The following TUBGCP2 variants were observed in gnomAD, a reference collection of about 807,000 sequenced individuals.
The protein encoded by TUBGCP2 is gamma-tubulin complex component 2.
TUBGCP2 carries 55 observed loss-of-function variants against 92.2 expected under a neutral mutation model. That is an observed-to-expected ratio of 0.60 (90% confidence interval 0.48 to 0.75). TUBGCP2 has a LOEUF of 0.75. Among genes scored for constraint, TUBGCP2 ranks in the 30% least tolerant of loss-of-function variants. TUBGCP2 has a pLI of 0.00. For synonymous variants in TUBGCP2, 533 were observed against 505.2 expected (o/e 1.06, Z -0.74); for missense variants, 1,093 against 1,188.9 (o/e 0.92, Z 1.19).
At position 133,293,263 on chromosome 10, in the gene TUBGCP2, CT is replaced by C. The variant is rs576849907; in HGVS notation, c.825-26del. 305 of 1,609,902 alleles carry C rather than the reference CT, an allele frequency of 1.9e-4. 2 individuals carry two copies. In the African/African-American group the frequency reaches 3.5e-3, roughly 19 times the overall value. On this transcript the variant is annotated intron_variant, in intron 6 of 17. Coordinates refer to ENST00000252936, the MANE Select transcript of TUBGCP2 (RefSeq NM_006659.4). ...CCTGGAAGAAAAGCTGTCAGACTTC[CT>C]CAAAAAGGCAAGCTGCAGGCACATA...
In TUBGCP2 at chr10:133,285,578, G is replaced by A; in HGVS notation, c.1773C>T (p.Ala591=). ...DLITQLLRVL[A]IETKQEKAMA... ...TCGCCTTCTCCTGCTTGGTCTCGATGGCCAGGACGCGCAAGAGCTGAGTGA... is the reference window on the plus strand; with the variant it reads ...TCGCCTTCTCCTGCTTGGTCTCGATAGCCAGGACGCGCAAGAGCTGAGTGA... The change falls in exon 12 of 18, where the codon GCC becomes GCT. Residue 591 remains alanine, a synonymous_variant. Transcript: ENST00000252936. The surrounding 1 kb of genome is among the most constrained non-coding windows in gnomAD (Gnocchi z 6.8). 2 of 1,556,188 alleles carry A rather than the reference G, an allele frequency of 1.3e-6. No individual in the cohort carries two copies. The highest frequency in any genetic ancestry group is 1.7e-6 in the Non-Finnish European group (2 of 1,148,716).
chr10:133,279,970 T>C (rs567700239), intron 17 of TUBGCP2, 69 bp from the exon 18 acceptor site: 2 of 1,551,556 alleles, frequency 1.3e-6, no homozygotes, highest in Non-Finnish European at 1.7e-6. Flanking sequence ...AGCAGGGGTG[T>C]GGAAGGACGG....
At position 133,292,665 on chromosome 10, in the gene TUBGCP2, A is replaced by T; in HGVS notation, c.1048T>A (p.Cys350Ser). The change falls in exon 8 of 18, where the codon TGT (cysteine) becomes AGT (serine). Residue 350 changes from cysteine (C) to serine (S), a missense_variant. Coordinates refer to ENST00000252936, the MANE Select transcript of TUBGCP2 (RefSeq NM_006659.4). ...SLATSVDKGE[C>S]LGGSTLSLLH... ...AGGCTCAGCGTGGACCCCCCAAGAC[A>T]TTCGCCTTTGTCCACCGAGGTGGCT... 6.2e-7 allele frequency: 1 copy of T among 1,613,730 alleles called. No homozygotes were observed. The highest frequency in any genetic ancestry group is 8.5e-7 in the Non-Finnish European group (1 of 1,179,808).
chr10:133,279,863 C>A lies in TUBGCP2; in HGVS notation c.2612G>T (p.Arg871Leu). ...CTTCTGGCTCCTCTCTGCAGACAGGCGCTCCAGGCGCTCCGTGTAGAAACC... is the reference window on the plus strand; with the variant it reads ...CTTCTGGCTCCTCTCTGCAGACAGGAGCTCCAGGCGCTCCGTGTAGAAACC... ...FNGFYTERLE[R>L]LSAERSQKAT... The change falls in exon 18 of 18, where the codon CGC becomes CTC. Residue 871 changes from arginine to leucine, a missense_variant. Around this residue, in one of 3 missense-constraint regions of TUBGCP2, gnomAD observed 598 missense variants for 675.5 expected, o/e 0.89. Coordinates refer to ENST00000252936, the MANE Select transcript of TUBGCP2 (RefSeq NM_006659.4). 1 of 1,607,104 alleles carries A rather than the reference C, an allele frequency of 6.2e-7. No individual in the cohort carries two copies.
chr10:133,285,206 G>T lies in TUBGCP2; in HGVS notation c.1903C>A (p.Leu635Ile). The T allele has an allele frequency of 6.2e-7, 1 of 1,612,448 alleles. No homozygotes were observed. Residue 635 changes from leucine (L) to isoleucine (I), a missense_variant, in exon 13 of 18, where the codon CTC becomes ATC. Physicochemically the swap from Leu to Ile is conservative, Grantham distance 5 (BLOSUM62 2). Around this residue, in one of 3 missense-constraint regions of TUBGCP2, gnomAD observed 598 missense variants for 675.5 expected, o/e 0.89. Coordinates refer to ENST00000252936, the MANE Select transcript of TUBGCP2 (RefSeq NM_006659.4). The surrounding 1 kb of genome is among the most constrained non-coding windows in gnomAD (Gnocchi z 6.8). ...PLSLIINRKALTRYQMLFRHM... is the reference protein window; with the variant it reads ...PLSLIINRKAITRYQMLFRHM... Reference sequence around the variant, plus strand: ...CTGAAGAGCATCTGGTAGCGAGTGAGGGCTTTCCTGCAAGAGACGTGGCGG... The same window carrying T: ...CTGAAGAGCATCTGGTAGCGAGTGATGGCTTTCCTGCAAGAGACGTGGCGG...
intron 5 of TUBGCP2, chr10:133,297,458 T>C (rs954231515): frequency 2.3e-6 from 1 of 442,012 alleles, no homozygotes; most frequent in Non-Finnish European, 4.5e-6. Context: ...GATGAACACA[T>C]CCCAGGTCCC....
At position 133,281,271 on chromosome 10, in the gene TUBGCP2, A is replaced by C; in HGVS notation, c.2573+2T>G. 6.2e-7 allele frequency: 1 copy of C among 1,610,102 alleles called. No individual in the cohort carries two copies. The highest frequency in any genetic ancestry group is 1.1e-5 in the South Asian group (1 of 91,012). On this transcript the variant is annotated splice_donor_variant, in intron 17 of 17. Transcript: ENST00000252936. LOFTEE classifies it high-confidence loss of function. ...GGCTGAGCCGGGGTGGCGCCCACCC[A>C]CCTGGAGATGACGCTGGCCATGCCG...
chr10:133,300,081 T>G lies in TUBGCP2; in HGVS notation c.183A>C (p.Glu61Asp). 1 of 1,614,118 alleles carries G rather than the reference T, an allele frequency of 6.2e-7. No homozygotes were observed. The highest frequency in any genetic ancestry group is 8.5e-7 in the Non-Finnish European group (1 of 1,179,978). The part of the protein sequence containing the change: ...VKIAEFSRTP[E>D]DFLKKYDELK... ...GTTCATCATATTTCTTTAGAAAGTC[T>G]TCTGGAGTACGAGAAAACTCTGCAA... is the stretch of plus-strand genomic sequence containing the variant. Residue 61 changes from glutamate (E) to aspartate (D), a missense_variant, in exon 3 of 18, where the codon GAA (glutamate) becomes GAC (aspartate). Glu to Asp is a conservative substitution (Grantham distance 45). This residue lies in a region of TUBGCP2 where 490 missense variants were observed against 488.5 expected (regional missense o/e 1.00). Coordinates refer to ENST00000252936, the MANE Select transcript of TUBGCP2 (RefSeq NM_006659.4).
chr10:133,284,405 C>T (rs957656786), intron 13 of TUBGCP2, among the ~76,000 whole-genome samples: 1 of 152,230 alleles, frequency 6.6e-6, no homozygotes, highest in Non-Finnish European at 1.5e-5. Context: ...TGCTGTCGCT[C>T]AGACTGCAGT....
rs372792766 is a variant in TUBGCP2 at position 133,283,227 on chromosome 10, G to A, written c.2146-6C>T. On this transcript the variant is annotated splice_region_variant and splice_polypyrimidine_tract_variant and intron_variant, in intron 14 of 17. Transcript: ENST00000252936. ...ACGTCGTCAATGTTGGAGGCCTGCGGGGAACAGGCCAAGCCCCTTCTCAGA... is the reference window on the plus strand; with the variant it reads ...ACGTCGTCAATGTTGGAGGCCTGCGAGGAACAGGCCAAGCCCCTTCTCAGA... 4.3e-6 allele frequency: 7 copies of A among 1,614,170 alleles called. No individual in the cohort carries two copies. The South Asian group carries it at 6.6e-5, about 15-fold the overall frequency.
chr10:133,299,902 T>G (rs934942753), intron 3 of TUBGCP2, 83 bp downstream of exon 3: 2 of 1,535,316 alleles, frequency 1.3e-6, no homozygotes, highest in Admixed American at 4.0e-5. Context: ...GACAGGAAGA[T>G]GGCGTGGAGT....
intron 3 of TUBGCP2, 97 bp from the exon 4 acceptor site, chr10:133,299,700 C>G: frequency 9.3e-7 from 1 of 1,078,560 alleles, no homozygotes; most frequent in South Asian, 1.5e-5. Flanking sequence ...CTCCCCAACC[C>G]TGACAGGCAC....
At chr10:133,287,355 AAGGATCGCTTGAGCCC>A (rs1246705469) in intron 11 of TUBGCP2, among the ~76,000 whole-genome samples, 3 of 152,234 alleles carry the variant, frequency 2.0e-5, no homozygotes, top group Non-Finnish European at 4.4e-5. Flanking sequence ...GGCGCAGGTG[AAGGATCGCTTGAGCCC>A]AGGGGTTCAA....
chr10:133,310,115 G>T (rs1279739802), upstream of TUBGCP2: 1 of 1,612,198 alleles, frequency 6.2e-7, no homozygotes, highest in African/African-American at 1.3e-5. Context: ...GGGCATGGCG[G>T]TGGGGGAGGG....
chr10:133,293,376 G>A (rs766934099), intron 6 of TUBGCP2, 138 bp from the exon 7 acceptor site: 6 of 1,233,584 alleles, frequency 4.9e-6, no homozygotes, highest in African/African-American at 3.0e-5. Flanking sequence ...TTTTGCCCCA[G>A]GAGGAGATGA....
Position 133,281,709 on chromosome 10 carries a change from C to T in TUBGCP2, c.2410-273G>A, listed in dbSNP as rs149461933. On this transcript the variant is annotated intron_variant, in intron 16 of 17. Coordinates refer to ENST00000252936, the MANE Select transcript of TUBGCP2 (RefSeq NM_006659.4). ...GAACGAGCTTTCCCAGCAGCTTTCT[C>T]AGCAAGGAGGTCGGGGCGCCTCTCA... Among the ~76,000 whole-genome samples, 468 of 152,388 alleles carry T rather than the reference C, an allele frequency of 3.1e-3. 2 individuals carry two copies. The highest frequency in any genetic ancestry group is 0.019 in the East Asian group (100 of 5,186).
intron 4 of TUBGCP2, among the ~76,000 whole-genome samples, chr10:133,298,859 CAGG>C (rs1847556107): frequency 6.6e-6 from 1 of 152,222 alleles, no homozygotes; most frequent in Non-Finnish European, 1.5e-5. Flanking sequence ...AACACGCACC[CAGG>C]AGGCTAGGAC....
In TUBGCP2 at chr10:133,299,046, G is replaced by A. The variant is rs35858877; in HGVS notation, c.456+381C>T. On this transcript the variant is annotated intron_variant, in intron 4 of 17. Coordinates refer to ENST00000252936, the MANE Select transcript of TUBGCP2 (RefSeq NM_006659.4). ...GAATAATAAAAATTACTGTATTTTC[G>A]AGAATCTTGAAAATATAATGATCTG... Among the ~76,000 whole-genome samples, 72 of 152,312 alleles carry A rather than the reference G, an allele frequency of 4.7e-4. 1 individual carries two copies. The highest frequency in any genetic ancestry group is 5.3e-4 in the Non-Finnish European group (36 of 68,028).
At chr10:133,311,297 A>C (rs1430787646), upstream of TUBGCP2, among the ~76,000 whole-genome samples, 2 of 152,208 alleles carry the variant, frequency 1.3e-5, no homozygotes, top group Non-Finnish European at 2.9e-5. Flanking sequence ...CGTGTAAAGT[A>C]ATTGTCTCCT....
Sources: allele counts gnomAD v4.1 joint callset (sites outside exome capture counted in the v4.1 genomes callset), GRCh38; gene constraint gnomAD v4.1.1; regional missense constraint gnomAD v4.1.1; non-coding constraint Gnocchi (gnomAD v3.1); transcripts MANE v1.5; gene names NCBI Gene and HGNC (gene_info 2026-07-23, HGNC 2026-07-21).